FYB1: variants seen among roughly 807,000 people sequenced by gnomAD.
FYB1 encodes the protein FYN-binding protein 1.
A neutral mutation model predicts 94.1 loss-of-function variants in FYB1; 41 were observed. That is an observed-to-expected ratio of 0.44 (90% CI 0.34 to 0.57). The LOEUF is 0.57. Ranked by LOEUF, FYB1 falls within the 20% of genes least tolerant of loss-of-function variation. The pLI is 0.02. For missense variants in FYB1, 1,050 were observed against 976.8 expected (o/e 1.07, Z -1.00); for synonymous variants, 367 against 353.2 (o/e 1.04, Z -0.44).
rs74419723 is a variant in FYB1 at position 39,232,166 on chromosome 5, C to A, written c.-27-29179G>T. Reference sequence around the variant, plus strand: ...ATACCTGTTTCAGAACATGCACACACACTACACATGCACACACACGCATAC... The same window carrying A: ...ATACCTGTTTCAGAACATGCACACAAACTACACATGCACACACACGCATAC... On this transcript the variant is annotated intron_variant, in intron 1 of 1. Transcript: ENST00000510188. 3.0e-3 allele frequency among the ~76,000 whole-genome samples: 454 copies of A among 152,228 alleles called. 3 individuals are homozygous for A. The highest frequency in any genetic ancestry group is 0.011 in the African/African-American group (445 of 41,538).
Position 39,211,414 on chromosome 5 carries a change from A to G in FYB1, c.-28+8029T>C, listed in dbSNP as rs1316744119. On this transcript the variant is annotated intron_variant, in intron 1 of 18. Transcript: ENST00000512982. ...CGGCCCACTGCAAGCTCCGCCTCCC[A>G]GGTTCACGCCATTCTCCTGCCTCAG... Among the ~76,000 whole-genome samples, 7 of 149,184 alleles carry G rather than the reference A, an allele frequency of 4.7e-5. No individual in the cohort carries two copies. In the East Asian group the frequency reaches 1.2e-3, roughly 25 times the overall value.
At chr5:39,159,017 C>T (rs975949687) in intron 2 of FYB1, among the ~76,000 whole-genome samples, 2 of 152,152 alleles carry the variant, frequency 1.3e-5, no homozygotes. Flanking sequence ...TGGGAGTAAT[C>T]GAGCCCTAAC....
At chr5:39,108,158 G>A (rs1412189982) in intron 18 of FYB1, 73 bp downstream of exon 18, 1 of 1,347,246 alleles carries the variant, frequency 7.4e-7, no homozygotes, top group Non-Finnish European at 1.0e-6. Context: ...AATCCAACAA[G>A]CTATTTTTAG....
intron 1 of FYB1, among the ~76,000 whole-genome samples, chr5:39,264,770 C>T (rs1752357015): frequency 6.6e-6 from 1 of 152,134 alleles, no homozygotes; most frequent in Non-Finnish European, 1.5e-5. Flanking sequence ...GTTTTATAAG[C>T]TGCTGTAGTG....
intron 2 of FYB1, among the ~76,000 whole-genome samples, chr5:39,198,880 TAAACATA>T: frequency 6.6e-6 from 1 of 152,178 alleles, no homozygotes; most frequent in East Asian, 1.9e-4. Context: ...ACTTATGCTT[TAAACATA>T]AACATGCAAA....
intron 16 of FYB1, among the ~76,000 whole-genome samples, chr5:39,116,280 T>G (rs1412583718): frequency 6.6e-6 from 1 of 152,178 alleles, no homozygotes; most frequent in Admixed American, 6.5e-5. Flanking sequence ...AACATGTATA[T>G]AAGTGCTACC....
At chr5:39,207,853 G>A (rs2150514196) in intron 1 of FYB1, among the ~76,000 whole-genome samples, 1 of 152,312 alleles carries the variant, frequency 6.6e-6, no homozygotes, top group South Asian at 2.1e-4. Context: ...TGACCAGCCA[G>A]GGAAGGGGTT....
In FYB1 at chr5:39,130,526, C is replaced by T. The variant is rs150910994; in HGVS notation, c.1840+64G>A. 57 of 1,289,742 alleles carry T rather than the reference C, an allele frequency of 4.4e-5. No homozygotes were observed. In the Middle Eastern group the frequency reaches 8.2e-4, roughly 19 times the overall value. The allele number at this position is 1,289,742 out of a possible 1,614,324, so 79.9% of individuals were successfully genotyped here. On this transcript the variant is annotated intron_variant, in intron 10 of 18. Coordinates refer to ENST00000512982, the MANE Select transcript of FYB1 (RefSeq NM_001465.6). Reference sequence around the variant, plus strand: ...CATGTAACAAAATAACACATGTGCTCCATAAATACATGCCAATATATGTAT... The same window carrying T: ...CATGTAACAAAATAACACATGTGCTTCATAAATACATGCCAATATATGTAT...
chr5:39,272,711 C>A (rs1323548353), intron 1 of FYB1, among the ~76,000 whole-genome samples: 1 of 148,974 alleles, frequency 6.7e-6, no homozygotes, highest in African/African-American at 2.5e-5. Context: ...TAATCTTAGT[C>A]ATGCTACAAT....
intron 1 of FYB1, among the ~76,000 whole-genome samples, chr5:39,256,283 G>C (rs947945145): frequency 2.0e-5 from 3 of 152,188 alleles, no homozygotes; most frequent in Non-Finnish European, 4.4e-5. Flanking sequence ...GGGAGACCTA[G>C]CATCATTTCC....
At chr5:39,221,372 G>C (rs1240079630), upstream of FYB1, among the ~76,000 whole-genome samples, 1 of 152,172 alleles carries the variant, frequency 6.6e-6, no homozygotes, top group Admixed American at 6.5e-5. Flanking sequence ...ATAAAGAAGG[G>C]AACAGGAGGA....
intron 1 of FYB1, among the ~76,000 whole-genome samples, chr5:39,265,731 A>C (rs1486256232): frequency 6.6e-6 from 1 of 152,200 alleles, no homozygotes; most frequent in Admixed American, 6.5e-5. Context: ...AGTGATTCTC[A>C]TGCATGCTAA....
At chr5:39,266,811 G>C (rs1413903950) in intron 1 of FYB1, among the ~76,000 whole-genome samples, 1 of 152,182 alleles carries the variant, frequency 6.6e-6, no homozygotes, top group Admixed American at 6.5e-5. Context: ...AAAACTCATA[G>C]TGACCATAGC....
chr5:39,159,346 C>T (rs62358708), intron 2 of FYB1, among the ~76,000 whole-genome samples: 26,343 of 152,102 alleles, frequency 0.17, 2,536 homozygotes, highest in Non-Finnish European at 0.22. Context: ...AACTACATGG[C>T]GCTGCCAGAG....
At chr5:39,206,908 G>A (rs1748909872) in intron 1 of FYB1, among the ~76,000 whole-genome samples, 1 of 152,186 alleles carries the variant, frequency 6.6e-6, no homozygotes, top group African/African-American at 2.4e-5. Flanking sequence ...ATATTTGGTA[G>A]ATATACACCA....
chr5:39,210,850 T>C (rs1425860017), intron 1 of FYB1, among the ~76,000 whole-genome samples: 1 of 152,228 alleles, frequency 6.6e-6, no homozygotes, highest in East Asian at 1.9e-4. Context: ...GTCTCTAGTA[T>C]AAATACATAC....
rs747397676 is a variant in FYB1, at chr5:39,118,934, G to T, written c.2341C>A (p.Leu781Ile). 2 of 1,571,374 alleles carry T rather than the reference G, an allele frequency of 1.3e-6. No homozygotes were observed. Among genetic ancestry groups the T allele is most frequent in the South Asian group, 1.2e-5 (1 of 84,138 alleles). ...RDLQVKPGES[L>I]EVIQTTDDTK... ...TCATCTGTGGTTTGTATAACTTCTAGAGATTCACCAGGTTTTACCTGTAGA... is the reference window on the plus strand; with the variant it reads ...TCATCTGTGGTTTGTATAACTTCTATAGATTCACCAGGTTTTACCTGTAGA... Residue 781 changes from leucine (L) to isoleucine (I), a missense_variant, in exon 16 of 19, where the codon CTA (leucine) becomes ATA (isoleucine). Leu to Ile is a conservative substitution (Grantham distance 5). Coordinates refer to ENST00000512982, the MANE Select transcript of FYB1 (RefSeq NM_001465.6).
intron 2 of FYB1, among the ~76,000 whole-genome samples, chr5:39,185,644 A>G (rs1025998376): frequency 1.3e-5 from 2 of 149,396 alleles, no homozygotes; most frequent in African/African-American, 4.9e-5. Context: ...ATATATATAC[A>G]CACACACACA....
chr5:39,130,501 C>T (rs1490776949), intron 10 of FYB1, 89 bp downstream of exon 10: 1 of 979,248 alleles, frequency 1.0e-6, no homozygotes, highest in Non-Finnish European at 1.6e-6. Flanking sequence ...ACATTCTATG[C>T]ATGTAACAAA....
Sources: allele counts gnomAD v4.1 joint callset (sites outside exome capture counted in the v4.1 genomes callset), GRCh38; gene constraint gnomAD v4.1.1; transcripts MANE v1.5; gene names NCBI Gene and HGNC (gene_info 2026-07-23, HGNC 2026-07-21).